Variants in LORICRIN observed in about 807,000 individuals in gnomAD.
LORICRIN encodes the protein loricrin cornified envelope precursor protein.
LORICRIN carries 5 observed loss-of-function variants against 3.3 expected under a neutral mutation model. The ratio of observed to expected loss-of-function variants is 1.52; its 90% CI spans 0.79 to 3.19. The LOEUF (loss-of-function observed/expected upper bound fraction) is 3.19, where lower values mean the gene tolerates loss of function less well. Among genes scored for constraint, LORICRIN ranks in the 30% most tolerant of loss-of-function variants. The pLI, the probability that LORICRIN is intolerant of heterozygous loss-of-function variation, is 0.00. For synonymous variants in LORICRIN, 237 were observed against 231.4 expected (o/e 1.02, Z -0.22); for missense variants, 524 against 460.2 (o/e 1.14, Z -1.27).
Position 153,261,873 on chromosome 1 carries a change from C to T in LORICRIN, c.924C>T (p.Thr308=). The change falls in exon 2 of 2, where the codon ACC becomes ACT. Residue 308 remains threonine (T), a synonymous_variant. Transcript: ENST00000368742. Reference sequence around the variant, plus strand: ...AGACCCAGCAGAAGCAGGCGCCTACCTGGCCGTCCAAATAGATCCCCCAGG... The same window carrying T: ...AGACCCAGCAGAAGCAGGCGCCTACTTGGCCGTCCAAATAGATCCCCCAGG... The part of the protein sequence containing the change: ...CHQTQQKQAP[T]WPSK The T allele has an allele frequency of 6.2e-7, 1 of 1,611,430 alleles. No individual in the cohort carries two copies. The highest frequency in any genetic ancestry group is 1.3e-5 in the African/African-American group (1 of 75,020).
rs1169387901 is a variant in LORICRIN at position 153,261,328 on chromosome 1, G to A, written c.379G>A (p.Gly127Ser). The A allele has an allele frequency of 1.7e-5, 25 of 1,456,598 alleles. No homozygotes were observed. The highest frequency in any genetic ancestry group is 4.0e-5 in the South Asian group (3 of 75,326). The allele number at this position is 1,456,598 out of a possible 1,614,324, so 90.2% of individuals were successfully genotyped here. A position where few individuals can be genotyped will look rare whatever the true frequency, so the allele number is the denominator to read the frequency against. The change falls in exon 2 of 2, where the codon GGC becomes AGC. Residue 127 changes from glycine (G) to serine (S), a missense_variant. By Grantham distance (56) the Gly-to-Ser change is moderately conservative (BLOSUM62 0). Transcript: ENST00000368742. ...GGGGSSGGGS[G>S]CFSSGGGGSS... The stretch of plus-strand genomic sequence containing the variant: ...CGGCGGCTCCTCCGGGGGCGGCTCC[G>A]GCTGCTTCTCCAGCGGTGGGGGCGG...
chr1:153,261,983 A>G lies in LORICRIN; in HGVS notation c.*95A>G. Reference sequence around the variant, plus strand: ...CTCATGATGCTACCCGAGGTTTGCAAATCCTTCATGTCTTAACCTACCTGG... The same window carrying G: ...CTCATGATGCTACCCGAGGTTTGCAGATCCTTCATGTCTTAACCTACCTGG... On this transcript the variant is annotated 3_prime_UTR_variant, in exon 2 of 2. Transcript: ENST00000368742. The G allele has an allele frequency of 2.3e-6, 3 of 1,312,984 alleles. No individual in the cohort carries two copies. The highest frequency in any genetic ancestry group is 3.2e-6 in the Non-Finnish European group (3 of 928,860). 81.3% of individuals were successfully genotyped at this position (1,312,984 alleles called of 1,614,324 possible). A position where few individuals can be genotyped will look rare whatever the true frequency, so the allele number is the denominator to read the frequency against.
chr1:153,261,827 A>C lies in LORICRIN; in HGVS notation c.878A>C (p.Lys293Thr). 1.2e-6 allele frequency: 2 copies of C among 1,610,966 alleles called. No homozygotes were observed. The highest frequency in any genetic ancestry group is 1.7e-6 in the Non-Finnish European group (2 of 1,179,308). ...GSSVGGSGSG[K>T]GVPICHQTQQ... is the part of the protein sequence containing the mutation. ...TCCGTGGGTGGCTCCGGGAGTGGCAAGGGCGTCCCGATCTGCCACCAGACC... is the reference window on the plus strand; with the variant it reads ...TCCGTGGGTGGCTCCGGGAGTGGCACGGGCGTCCCGATCTGCCACCAGACC... Residue 293 changes from lysine to threonine, a missense_variant, in exon 2 of 2, where the codon AAG becomes ACG. Physicochemically the swap from Lys to Thr is moderately conservative, Grantham distance 78. Transcript: ENST00000368742.
At chr1:153,260,784 C>G in intron 1 of LORICRIN, 143 bp from the exon 2 acceptor site, 1 of 535,252 alleles carries the variant, frequency 1.9e-6, no homozygotes, top group Non-Finnish European at 3.3e-6. Flanking sequence ...TTTCCAAAAG[C>G]AGCAATCATA....
In LORICRIN at chr1:153,261,052, G is replaced by A; in HGVS notation, c.103G>A (p.Gly35Ser). 3.3e-6 allele frequency: 5 copies of A among 1,536,730 alleles called. No homozygotes were observed. The highest frequency in any genetic ancestry group is 1.9e-5 in the Admixed American group (1 of 53,346). The part of the protein sequence containing the change: ...GGGGSGGGGC[G>S]FFGGGGSGGG... ...CGGCGGCAGCGGCGGTGGTGGCTGC[G>A]GCTTCTTCGGCGGCGGCGGCTCAGG... Residue 35 changes from glycine to serine, a missense_variant, in exon 2 of 2, where the codon GGC (glycine) becomes AGC (serine). Physicochemically the swap from Gly to Ser is moderately conservative, Grantham distance 56. Coordinates refer to ENST00000368742, the MANE Select transcript of LORICRIN (RefSeq NM_000427.3).
intron 1 of LORICRIN, 43 bp from the exon 2 acceptor site, chr1:153,260,884 C>T (rs1658749502): frequency 1.5e-6 from 2 of 1,374,624 alleles, no homozygotes; most frequent in Non-Finnish European, 2.0e-6. Context: ...CCGTAAGTAT[C>T]CTCTTGCAGC....
In LORICRIN at chr1:153,262,091, T is replaced by G; in HGVS notation, c.*203T>G. 1.6e-6 allele frequency: 1 copy of G among 639,414 alleles called. No individual in the cohort carries two copies. The highest frequency in any genetic ancestry group is 2.9e-5 in the Admixed American group (1 of 34,922). 39.6% of individuals were successfully genotyped at this position (639,414 alleles called of 1,614,324 possible). The stretch of plus-strand genomic sequence containing the variant: ...CTGTACAACTACCTCCCAACCCCAG[T>G]GCCTCAGTCAATAAATTTGCAAATT... On this transcript the variant is annotated 3_prime_UTR_variant, in exon 2 of 2. Transcript: ENST00000368742.
chr1:153,260,424 T>C (rs1658735574), intron 1 of LORICRIN, among the ~76,000 whole-genome samples: 1 of 152,140 alleles, frequency 6.6e-6, no homozygotes, highest in Non-Finnish European at 1.5e-5. Flanking sequence ...GAGTTTGAAC[T>C]AAGAGCTTCT....
rs775514071 is a variant in LORICRIN, at chr1:153,261,722, G to C, written c.773G>C (p.Gly258Ala). The C allele has an allele frequency of 6.4e-7, 1 of 1,568,552 alleles. No individual in the cohort carries two copies. Among genetic ancestry groups the C allele is most frequent in the Non-Finnish European group, 8.6e-7 (1 of 1,164,826 alleles). Reference sequence around the variant, plus strand: ...TCCGGCTGCGGCGGCGGCTCCTCCGGGATTGGCAGCGGCTGCATCATCAGT... The same window carrying C: ...TCCGGCTGCGGCGGCGGCTCCTCCGCGATTGGCAGCGGCTGCATCATCAGT... ...GSSGCGGGSS[G>A]IGSGCIISGG... is the part of the protein sequence containing the mutation. Residue 258 changes from glycine (G) to alanine (A), a missense_variant, in exon 2 of 2, where the codon GGG (glycine) becomes GCG (alanine). Gly to Ala is a moderately conservative substitution (Grantham distance 60). Transcript: ENST00000368742.
chr1:153,260,369 G>C (rs960915747), intron 1 of LORICRIN, among the ~76,000 whole-genome samples: 1 of 152,174 alleles, frequency 6.6e-6, no homozygotes, highest in Admixed American at 6.5e-5. Flanking sequence ...GTCTTTTCTA[G>C]TGACTAGCCC....
rs1337310860 is a variant in LORICRIN, at chr1:153,261,641, G to A, written c.692G>A (p.Gly231Asp). The change falls in exon 2 of 2, where the codon GGC (glycine) becomes GAC (aspartate). Residue 231 changes from glycine to aspartate, a missense_variant. Physicochemically the swap from Gly to Asp is moderately conservative, Grantham distance 94. Transcript: ENST00000368742. ...PQPSYGGGSSGGGGSGGSGCF... is the reference protein window; with the variant it reads ...PQPSYGGGSSDGGGSGGSGCF... ...CCGAGTTACGGAGGGGGGTCGTCCG[G>A]CGGCGGCGGCAGCGGCGGAAGCGGC... 2 of 1,513,246 alleles carry A rather than the reference G, an allele frequency of 1.3e-6. No homozygotes were observed. Among genetic ancestry groups the A allele is most frequent in the Non-Finnish European group, 1.8e-6 (2 of 1,138,920 alleles). The allele number at this position is 1,513,246 out of a possible 1,614,324, so 93.7% of individuals were successfully genotyped here.
chr1:153,261,315 C>T lies in LORICRIN; in HGVS notation c.366C>T (p.Ser122=). 1 of 1,457,450 alleles carries T rather than the reference C, an allele frequency of 6.9e-7. No individual in the cohort carries two copies. The highest frequency in any genetic ancestry group is 2.9e-5 in the East Asian group (1 of 34,840). 90.3% of individuals were successfully genotyped at this position (1,457,450 alleles called of 1,614,324 possible). A position where few individuals can be genotyped will look rare whatever the true frequency, so the allele number is the denominator to read the frequency against. The change falls in exon 2 of 2, where the codon TCC becomes TCT. Residue 122 remains serine, a synonymous_variant. Coordinates refer to ENST00000368742, the MANE Select transcript of LORICRIN (RefSeq NM_000427.3). The stretch of plus-strand genomic sequence containing the variant: ...TCTCCTCCGGTGGCGGCGGCTCCTC[C>T]GGGGGCGGCTCCGGCTGCTTCTCCA... ...GCFSSGGGGS[S]GGGSGCFSSG... is the part of the protein sequence containing the mutation.
In LORICRIN at chr1:153,261,703, T is replaced by TGCG; in HGVS notation, c.763_765dup (p.Gly255dup). The TGCG allele has an allele frequency of 6.6e-7, 1 of 1,512,304 alleles. No individual in the cohort carries two copies. Among genetic ancestry groups the TGCG allele is most frequent in the East Asian group, 2.6e-5 (1 of 38,772 alleles). 93.7% of individuals were successfully genotyped at this position (1,512,304 alleles called of 1,614,324 possible). ...CGGCGGGGGCGGCGGGAGCTCCGGC[T>TGCG]GCGGCGGCGGCTCCTCCGGGATTGG... On this transcript the variant is annotated inframe_insertion, in exon 2 of 2. Coordinates refer to ENST00000368742, the MANE Select transcript of LORICRIN (RefSeq NM_000427.3).
At position 153,261,015 on chromosome 1, in the gene LORICRIN, CGGTGGCGGTGGCGGCGGCAGCGGCGGT is replaced by C. The variant is rs1310773985; in HGVS notation, c.73_99del (p.Gly25_Gly33del). The stretch of plus-strand genomic sequence containing the variant: ...TGGACTGCGTGAAGACCTCTGGCGG[CGGTGGCGGTGGCGGCGGCAGCGGCGGT>C]GGTGGCTGCGGCTTCTTCGGCGGCG... On this transcript the variant is annotated inframe_deletion, in exon 2 of 2. Coordinates refer to ENST00000368742, the MANE Select transcript of LORICRIN (RefSeq NM_000427.3). 7 of 1,567,586 alleles carry C rather than the reference CGGTGGCGGTGGCGGCGGCAGCGGCGGT, an allele frequency of 4.5e-6. No homozygotes were observed. In the African/African-American group the frequency reaches 9.8e-5, roughly 22 times the overall value.
At position 153,261,040 on chromosome 1, in the gene LORICRIN, GGTGGTGGCT is replaced by G; in HGVS notation, c.93_101del (p.Gly33_Gly35del). 6.6e-5 allele frequency: 102 copies of G among 1,536,446 alleles called. No individual in the cohort carries two copies. The highest frequency in any genetic ancestry group is 8.9e-5 in the Non-Finnish European group (101 of 1,135,970). On this transcript the variant is annotated inframe_deletion, in exon 2 of 2. Transcript: ENST00000368742. ...CGGTGGCGGTGGCGGCGGCAGCGGC[GGTGGTGGCT>G]GCGGCTTCTTCGGCGGCGGCGGCTC...
chr1:153,261,435 A>G lies in LORICRIN; in HGVS notation c.486A>G (p.Gly162=), dbSNP rs1436368785. Reference sequence around the variant, plus strand: ...AGGCGGTCCAGTGCCAGAGCTACGGAGGCGTCTCTAGCGGCGGCTCCTCCG... The same window carrying G: ...AGGCGGTCCAGTGCCAGAGCTACGGGGGCGTCTCTAGCGGCGGCTCCTCCG... ...SGQAVQCQSY[G]GVSSGGSSGG... The change falls in exon 2 of 2, where the codon GGA becomes GGG. Residue 162 remains glycine, a synonymous_variant. Transcript: ENST00000368742. The G allele has an allele frequency of 7.1e-7, 1 of 1,399,260 alleles. No individual in the cohort carries two copies. The highest frequency in any genetic ancestry group is 3.1e-5 in the East Asian group (1 of 31,870). The allele number at this position is 1,399,260 out of a possible 1,614,324, so 86.7% of individuals were successfully genotyped here.
rs1284434100 is a variant in LORICRIN at position 153,261,231 on chromosome 1, C to CGGCTCCTCCGGCGGG, written c.288_302dup (p.Ser97_Ser101dup). ...GGAGCGTCAAGTACTCCGGAGGCGG[C>CGGCTCCTCCGGCGGG]GGCTCCTCCGGCGGGGGCTCTGGCT... On this transcript the variant is annotated inframe_insertion, in exon 2 of 2. Coordinates refer to ENST00000368742, the MANE Select transcript of LORICRIN (RefSeq NM_000427.3). 426 of 1,368,086 alleles carry CGGCTCCTCCGGCGGG rather than the reference C, an allele frequency of 3.1e-4. No individual in the cohort carries two copies. Among genetic ancestry groups the CGGCTCCTCCGGCGGG allele is most frequent in the Non-Finnish European group, 3.0e-4 (319 of 1,064,950 alleles). 84.7% of individuals were successfully genotyped at this position (1,368,086 alleles called of 1,614,324 possible).
chr1:153,259,999 A>C (rs544210181), intron 1 of LORICRIN, among the ~76,000 whole-genome samples: 5 of 152,304 alleles, frequency 3.3e-5, no homozygotes, highest in South Asian at 4.1e-4. Flanking sequence ...AGGGGCAGGC[A>C]TGGTGCCGGG....
At position 153,261,833 on chromosome 1, in the gene LORICRIN, T is replaced by A; in HGVS notation, c.884T>A (p.Val295Asp). 6.2e-7 allele frequency: 1 copy of A among 1,611,032 alleles called. No homozygotes were observed. Among genetic ancestry groups the A allele is most frequent in the Non-Finnish European group, 8.5e-7 (1 of 1,179,342 alleles). Residue 295 changes from valine (V) to aspartate (D), a missense_variant, in exon 2 of 2, where the codon GTC becomes GAC. Val to Asp is a radical substitution (Grantham distance 152). Coordinates refer to ENST00000368742, the MANE Select transcript of LORICRIN (RefSeq NM_000427.3). ...GGTGGCTCCGGGAGTGGCAAGGGCG[T>A]CCCGATCTGCCACCAGACCCAGCAG... is the stretch of plus-strand genomic sequence containing the variant. ...SVGGSGSGKG[V>D]PICHQTQQKQ... is the part of the protein sequence containing the mutation.
Sources: allele counts gnomAD v4.1 joint callset (sites outside exome capture counted in the v4.1 genomes callset), GRCh38; gene constraint gnomAD v4.1.1; transcripts MANE v1.5; gene names NCBI Gene and HGNC (gene_info 2026-07-23, HGNC 2026-07-21).